MYO16: variants seen among roughly 807,000 people sequenced by gnomAD.
The protein encoded by MYO16 is unconventional myosin-XVI.
In MYO16, 94 loss-of-function variants were observed where a neutral mutation model predicts 205.3. That is an observed-to-expected ratio of 0.46 (90% CI 0.39 to 0.54). The LOEUF is 0.54. MYO16 is among the 20% of genes least tolerant of loss of function. MYO16 has a pLI of 0.00. For missense variants in MYO16, 2,315 were observed against 2,387.5 expected (o/e 0.97, Z 0.63); for synonymous variants, 988 against 954.0 (o/e 1.04, Z -0.66).
At chr13:109,170,188 C>T (rs9521193) in intron 33 of MYO16, among the ~76,000 whole-genome samples, 1 of 150,640 alleles carries the variant, frequency 6.6e-6, no homozygotes, top group East Asian at 1.9e-4. Flanking sequence ...CCAACAAAGG[C>T]TAATATTCAA....
At chr13:108,509,247 CTTGCA>C in the MYO16 span, among the ~76,000 whole-genome samples, 19,244 of 152,076 alleles carry the variant, frequency 0.13, 1,365 homozygotes, top group East Asian at 0.23. Context: ...TAAATATCAA[CTTGCA>C]CAGTATGATA....
chr13:108,650,476 G>T (rs1309217418), intron 1 of MYO16, among the ~76,000 whole-genome samples: 1 of 152,188 alleles, frequency 6.6e-6, no homozygotes, highest in Non-Finnish European at 1.5e-5. Flanking sequence ...GGCAGGAACA[G>T]TGAGCTGAGT....
chr13:108,975,054 T>C (rs918344358), intron 20 of MYO16, among the ~76,000 whole-genome samples: 2 of 152,242 alleles, frequency 1.3e-5, no homozygotes, highest in Non-Finnish European at 2.9e-5. Flanking sequence ...ATTTATTTGC[T>C]TTCTATGCAG....
rs1340245410 is a variant in MYO16, at chr13:108,964,615, G to A, written c.2228-146G>A. On this transcript the variant is annotated intron_variant, in intron 19 of 34. Coordinates refer to ENST00000457511, the MANE Select transcript of MYO16 (RefSeq NM_001198950.3). Reference sequence around the variant, plus strand: ...AACATTTTGCATAATAACTGACGGAGACCTCATTTATGAGAATCCGTATAA... The same window carrying A: ...AACATTTTGCATAATAACTGACGGAAACCTCATTTATGAGAATCCGTATAA... The A allele has an allele frequency of 4.8e-6, 4 of 833,350 alleles. No individual in the cohort carries two copies. In the African/African-American group the frequency reaches 5.1e-5, roughly 11 times the overall value. 51.6% of individuals were successfully genotyped at this position (833,350 alleles called of 1,614,324 possible). A position where few individuals can be genotyped will look rare whatever the true frequency, so the allele number is the denominator to read the frequency against.
At chr13:108,773,949 G>T (rs751905735) in intron 4 of MYO16, among the ~76,000 whole-genome samples, 2 of 152,058 alleles carry the variant, frequency 1.3e-5, no homozygotes, top group Non-Finnish European at 2.9e-5. Context: ...AAAATTAGCT[G>T]GGCATGGTGG....
intron 34 of MYO16, among the ~76,000 whole-genome samples, chr13:109,187,771 A>G (rs1879746078): frequency 2.0e-5 from 3 of 152,178 alleles, no homozygotes; most frequent in South Asian, 4.1e-4. Context: ...ATGGCCCAGG[A>G]TATGACCTGT....
At chr13:109,168,240 T>A (rs888946814) in intron 33 of MYO16, among the ~76,000 whole-genome samples, 1 of 152,032 alleles carries the variant, frequency 6.6e-6, no homozygotes, top group Non-Finnish European at 1.5e-5. Flanking sequence ...ATAATAAACT[T>A]TAAAAGGCTT....
At chr13:108,782,995 G>T (rs2138915435) in intron 4 of MYO16, among the ~76,000 whole-genome samples, 1 of 152,304 alleles carries the variant, frequency 6.6e-6, no homozygotes, top group Non-Finnish European at 1.5e-5. Flanking sequence ...GAAATGTGGG[G>T]CTGGAGCCCC....
intron 27 of MYO16, among the ~76,000 whole-genome samples, chr13:109,093,733 C>T (rs1171603105): frequency 2.6e-5 from 4 of 152,110 alleles, no homozygotes; most frequent in African/African-American, 7.2e-5. Flanking sequence ...GAGCCCAGCA[C>T]GTTTTTACCT....
chr13:108,516,421 G>GA, the MYO16 span, among the ~76,000 whole-genome samples: 1 of 152,126 alleles, frequency 6.6e-6, no homozygotes, highest in Non-Finnish European at 1.5e-5. Flanking sequence ...TGGAAATGCA[G>GA]AAATCACCCG....
chr13:109,180,084 A>G (rs1879393389), intron 34 of MYO16, among the ~76,000 whole-genome samples: 1 of 152,146 alleles, frequency 6.6e-6, no homozygotes, highest in African/African-American at 2.4e-5. Flanking sequence ...TTTCCATGTA[A>G]TTCACATTCA....
intron 34 of MYO16, among the ~76,000 whole-genome samples, chr13:109,189,698 A>G (rs902801947): frequency 1.3e-5 from 2 of 152,166 alleles, no homozygotes; most frequent in African/African-American, 4.8e-5. Flanking sequence ...GGGGAAAAAA[A>G]ATCGTCTTTT....
At chr13:108,697,564 T>C (rs1883137468) in intron 2 of MYO16, among the ~76,000 whole-genome samples, 1 of 152,178 alleles carries the variant, frequency 6.6e-6, no homozygotes, top group African/African-American at 2.4e-5. Flanking sequence ...GAAGTTCTGA[T>C]TTAAATTTAT....
intron 1 of MYO16, among the ~76,000 whole-genome samples, chr13:108,634,725 A>ACGTC (rs1880147412): frequency 6.6e-6 from 1 of 151,958 alleles, no homozygotes; most frequent in Non-Finnish European, 1.5e-5. Context: ...TGTGATTACC[A>ACGTC]CGTCTTCTTC....
At chr13:108,681,278 C>G (rs1882450689) in intron 2 of MYO16, among the ~76,000 whole-genome samples, 1 of 152,166 alleles carries the variant, frequency 6.6e-6, no homozygotes, top group Non-Finnish European at 1.5e-5. Flanking sequence ...ATGGGTCTTT[C>G]ACGTCTCCCT....
At chr13:108,750,628 A>G (rs1591715) in intron 4 of MYO16, among the ~76,000 whole-genome samples, 4,434 of 151,186 alleles carry the variant, frequency 0.029, 222 homozygotes, top group African/African-American at 0.1. Flanking sequence ...AAAAAAAAAA[A>G]AAAGAAAGAA....
chr13:108,815,671 T>G (rs538481708), intron 7 of MYO16, among the ~76,000 whole-genome samples: 2 of 152,214 alleles, frequency 1.3e-5, no homozygotes, highest in Non-Finnish European at 2.9e-5. Flanking sequence ...TTTTATTGTT[T>G]AAGCCACGAA....
chr13:108,628,408 A>G (rs1407690754), upstream of MYO16, among the ~76,000 whole-genome samples: 1 of 152,206 alleles, frequency 6.6e-6, no homozygotes, highest in Non-Finnish European at 1.5e-5. Context: ...ATGAACACCA[A>G]CAACAGAAAC....
chr13:108,531,862 A>G, the MYO16 span, among the ~76,000 whole-genome samples: 1 of 152,170 alleles, frequency 6.6e-6, no homozygotes, highest in Non-Finnish European at 1.5e-5. Flanking sequence ...TCAAACTAAC[A>G]GCACAATTAG....
Sources: allele counts gnomAD v4.1 joint callset (sites outside exome capture counted in the v4.1 genomes callset), GRCh38; gene constraint gnomAD v4.1.1; transcripts MANE v1.5; gene names NCBI Gene and HGNC (gene_info 2026-07-23, HGNC 2026-07-21).